HTT: variants seen among roughly 807,000 people sequenced by gnomAD.
HTT encodes the protein huntingtin, also known as huntington disease protein.
In HTT, 104 loss-of-function variants were observed where a neutral mutation model predicts 362.3. That is an observed-to-expected ratio of 0.29 (90% confidence interval 0.24 to 0.34). HTT has a LOEUF of 0.34. HTT is among the 10% of genes least tolerant of loss of function. HTT has a pLI of 1.00. For missense variants in HTT, 3,301 were observed against 3,928.6 expected, an observed-to-expected ratio of 0.84 and a Z score of 4.27; for synonymous variants, 1,577 against 1,548.7, an observed-to-expected ratio of 1.02 and a Z score of -0.43.
At chr4:3,124,643 C>G (rs1352872818) in intron 10 of HTT, among the ~76,000 whole-genome samples, 1 of 152,086 alleles carries the variant, frequency 6.6e-6, no homozygotes, top group Non-Finnish European at 1.5e-5. Context: ...TCTGAATTCA[C>G]CTTTTTGGCA....
chr4:3,092,847 G>C (rs1278955433), intron 2 of HTT, among the ~76,000 whole-genome samples: 1 of 152,204 alleles, frequency 6.6e-6, no homozygotes, highest in Non-Finnish European at 1.5e-5. Context: ...ATGTAACAGT[G>C]GTTTTCAAGT....
intron 57 of HTT, among the ~76,000 whole-genome samples, chr4:3,227,100 A>G (rs373684946): frequency 1.6e-4 from 24 of 152,306 alleles, no homozygotes; most frequent in African/African-American, 5.3e-4. Flanking sequence ...TGCCCGAGGT[A>G]TTCCCTATCC....
intron 40 of HTT, among the ~76,000 whole-genome samples, chr4:3,198,304 T>C (rs1332437383): frequency 6.9e-6 from 1 of 145,300 alleles, no homozygotes; most frequent in African/African-American, 2.6e-5. Flanking sequence ...TGGCCACTGC[T>C]GCCCCTGCCT....
Position 3,240,392 on chromosome 4 carries a change from G to A in HTT, c.*333G>A. On this transcript the variant is annotated 3_prime_UTR_variant, in exon 67 of 67. Transcript: ENST00000355072. The stretch of plus-strand genomic sequence containing the variant: ...CAGGTTGCAGCTGCTCTTGCATCTG[G>A]GCCAGAAGTCCTCCCTCCTGCAGGC... The A allele has an allele frequency of 2.7e-6, 1 of 367,052 alleles. No homozygotes were observed. The highest frequency in any genetic ancestry group is 5.1e-6 in the Non-Finnish European group (1 of 196,094). The allele number at this position is 367,052 out of a possible 1,614,324, so 22.7% of individuals were successfully genotyped here.
intron 1 of HTT, among the ~76,000 whole-genome samples, chr4:3,084,135 A>G (rs1200055533): frequency 6.7e-6 from 1 of 150,110 alleles, no homozygotes; most frequent in African/African-American, 2.4e-5. Flanking sequence ...GAGAAAAGAG[A>G]GGGAGGTGAA....
chr4:3,233,149 CTG>C lies in HTT; in HGVS notation c.8266-7_8266-6del. On this transcript the variant is annotated splice_polypyrimidine_tract_variant and intron_variant, in intron 60 of 66. Transcript: ENST00000355072. ...TCTGGTGGCATGCAGCAGCTTTTGT[CTG>C]TGTGTGCCTAGGACAAGGCCGTGGC... is the stretch of plus-strand genomic sequence containing the variant. 3 of 1,568,128 alleles carry C rather than the reference CTG, an allele frequency of 1.9e-6. No individual in the cohort carries two copies. Among genetic ancestry groups the C allele is most frequent in the Non-Finnish European group, 2.6e-6 (3 of 1,147,722 alleles).
At chr4:3,130,473 G>T in intron 14 of HTT, 50 bp downstream of exon 14, 1 of 1,032,138 alleles carries the variant, frequency 9.7e-7, no homozygotes, top group African/African-American at 1.6e-5. Flanking sequence ...CTTGTGTGAG[G>T]ATTTAAAATC....
chr4:3,204,245 C>A, intron 42 of HTT, 97 bp downstream of exon 42: 1 of 1,208,160 alleles, frequency 8.3e-7, no homozygotes, highest in Non-Finnish European at 1.2e-6. Context: ...GGAACCCAGA[C>A]CGCCCGGTGT....
chr4:3,192,348 G>A (rs185272191), intron 40 of HTT, among the ~76,000 whole-genome samples: 201 of 152,272 alleles, frequency 1.3e-3, no homozygotes, highest in Non-Finnish European at 2.5e-3. Flanking sequence ...AAAATGCTGA[G>A]GTTATAGGTG....
intron 21 of HTT, among the ~76,000 whole-genome samples, chr4:3,140,256 G>A (rs1197160134): frequency 2.9e-5 from 4 of 140,030 alleles, no homozygotes; most frequent in Non-Finnish European, 4.6e-5. Flanking sequence ...GTGACATTCT[G>A]TCTCAAAAAA....
intron 2 of HTT, among the ~76,000 whole-genome samples, chr4:3,091,686 A>G (rs1408489579): frequency 6.6e-6 from 1 of 152,222 alleles, no homozygotes; most frequent in Non-Finnish European, 1.5e-5. Flanking sequence ...CCCAGTCTGT[A>G]TGTGGTATTT....
rs568806386 is a variant in HTT at position 3,094,767 on chromosome 4, G to A, written c.348-4507G>A. Among the ~76,000 whole-genome samples, 514 of 142,284 alleles carry A rather than the reference G, an allele frequency of 3.6e-3. 1 individual carries two copies. Among genetic ancestry groups the A allele is most frequent in the Middle Eastern group, 9.3e-3 (2 of 216 alleles). The allele number at this position is 142,284 out of a possible 152,430, so 93.3% of individuals were successfully genotyped here. A position where few individuals can be genotyped will look rare whatever the true frequency, so the allele number is the denominator to read the frequency against. ...CGGGCGGAGGGGCTCCTCACTTCCC[G>A]GACGGGGCGGCTGCTGGGCGGAGGG... On this transcript the variant is annotated intron_variant, in intron 2 of 66. Coordinates refer to ENST00000355072, the MANE Select transcript of HTT (RefSeq NM_001388492.1).
At chr4:3,238,359 C>A (rs1721641079) in intron 64 of HTT, 88 bp from the exon 65 acceptor site, 1 of 944,282 alleles carries the variant, frequency 1.1e-6, no homozygotes, top group South Asian at 2.0e-5. Flanking sequence ...TCGGCATTTT[C>A]CCCAGTATTA....
chr4:3,216,191 G>A (rs115230207), intron 51 of HTT, among the ~76,000 whole-genome samples: 312 of 152,246 alleles, frequency 2.0e-3, no homozygotes, highest in African/African-American at 7.1e-3. Flanking sequence ...TCTGGTTCCC[G>A]GTTCAAGGTT....
intron 29 of HTT, among the ~76,000 whole-genome samples, chr4:3,171,404 AATG>A (rs1717964220): frequency 2.0e-5 from 3 of 151,724 alleles, no homozygotes; most frequent in Admixed American, 6.6e-5. Context: ...GTGCATTCTG[AATG>A]CCTAGGTATC....
intron 32 of HTT, 37 bp downstream of exon 32, chr4:3,174,836 T>C: frequency 6.3e-7 from 1 of 1,599,466 alleles, no homozygotes; most frequent in African/African-American, 1.3e-5. Context: ...AACTCAGGCG[T>C]GTCAGTGCTA....
intron 2 of HTT, among the ~76,000 whole-genome samples, chr4:3,095,014 C>A (rs929463306): frequency 1.3e-5 from 2 of 151,982 alleles, no homozygotes; most frequent in African/African-American, 4.8e-5. Context: ...GGGATGACAG[C>A]CGGGAAGAGG....
At chr4:3,139,929 G>C (rs1172077013) in intron 21 of HTT, among the ~76,000 whole-genome samples, 4 of 152,218 alleles carry the variant, frequency 2.6e-5, no homozygotes, top group Admixed American at 2.6e-4. Context: ...AGTGTAAATA[G>C]AAAGGGATTA....
intron 20 of HTT, 78 bp from the exon 21 acceptor site, chr4:3,136,148 C>A: frequency 1.9e-6 from 2 of 1,067,182 alleles, no homozygotes; most frequent in Non-Finnish European, 1.4e-6. Flanking sequence ...TTCTTTCTCA[C>A]TAGCTTTCCA....
Sources: gnomAD v4.1 joint callset for allele counts (sites outside exome capture counted in the v4.1 genomes callset) on GRCh38, gnomAD v4.1.1 for gene constraint, MANE v1.5 for transcripts, NCBI Gene and HGNC (gene_info 2026-07-23, HGNC 2026-07-21) for gene names.